Variants in CUL2 observed in about 807,000 individuals in gnomAD.
The protein encoded by CUL2 is cullin-2.
Under a neutral mutation model 110.2 loss-of-function variants are expected in CUL2, and 22 were observed. The ratio of observed to expected loss-of-function variants is 0.20; its 90% CI spans 0.14 to 0.28. The LOEUF (loss-of-function observed/expected upper bound fraction) is 0.28, where lower values mean the gene tolerates loss of function less well. Ranked by LOEUF, CUL2 falls within the 10% of genes least tolerant of loss-of-function variation. The pLI, the probability that CUL2 is intolerant of heterozygous loss-of-function variation, is 1.00. For synonymous variants in CUL2, 279 were observed against 293.2 expected, an observed-to-expected ratio of 0.95 and a Z score of 0.49; for missense variants, 631 against 905.5, an observed-to-expected ratio of 0.70 and a Z score of 3.89.
intron 1 of CUL2, chr10:35,074,433 A>T (rs2135007815): frequency 3.4e-6 from 2 of 593,738 alleles, no homozygotes; most frequent in African/African-American, 1.9e-5. Context: ...TAAAGTGCTT[A>T]TCTTTTCCTT....
rs780409057 is a variant in CUL2 at position 35,049,782 on chromosome 10, A to C, written c.424-17T>G. The C allele has an allele frequency of 1.3e-6, 2 of 1,575,036 alleles. No individual in the cohort carries two copies. Among genetic ancestry groups the C allele is most frequent in the Non-Finnish European group, 1.7e-6 (2 of 1,146,774 alleles). ...CAATGCTAGCTGCCGGGAAAAACGA[A>C]AATCATCAGGGCTGAATTACTTAGT... On this transcript the variant is annotated splice_polypyrimidine_tract_variant and intron_variant, in intron 5 of 20. Transcript: ENST00000374749.
At chr10:35,061,746 T>A (rs1458738657) in intron 3 of CUL2, among the ~76,000 whole-genome samples, 2 of 150,222 alleles carry the variant, frequency 1.3e-5, no homozygotes, top group East Asian at 4.0e-4. Context: ...CAGCACACAA[T>A]CAATTGTGCC....
At chr10:35,048,995 G>A (rs1475127022) in intron 6 of CUL2, among the ~76,000 whole-genome samples, 1 of 152,066 alleles carries the variant, frequency 6.6e-6, no homozygotes, top group Non-Finnish European at 1.5e-5. Context: ...ACAATTCACT[G>A]GTCTAGATAA....
At chr10:35,072,501 TG>T (rs1352526725) in intron 1 of CUL2, among the ~76,000 whole-genome samples, 1 of 152,054 alleles carries the variant, frequency 6.6e-6, no homozygotes, top group Non-Finnish European at 1.5e-5. Flanking sequence ...CCCGAGTAGC[TG>T]GGACTACAGG....
chr10:35,103,378 G>A (rs1293009731), intron 1 of CUL2, among the ~76,000 whole-genome samples: 4 of 142,750 alleles, frequency 2.8e-5, no homozygotes, highest in Non-Finnish European at 4.5e-5. Context: ...AGGCTGGAGC[G>A]CAGTGGCACG....
At chr10:35,011,704 C>T (rs565482999) in intron 20 of CUL2, 144 bp downstream of exon 20, 59 of 564,822 alleles carry the variant, frequency 1.0e-4, no homozygotes, top group African/African-American at 9.1e-4. Flanking sequence ...TGAGTGAGTA[C>T]GATTCTGATT....
chr10:35,108,598 T>C (rs1418007466), intron 1 of CUL2, among the ~76,000 whole-genome samples: 1 of 152,236 alleles, frequency 6.6e-6, no homozygotes, highest in East Asian at 1.9e-4. Flanking sequence ...TTATCAAAGA[T>C]AATACCTGTT....
intron 1 of CUL2, among the ~76,000 whole-genome samples, chr10:35,123,280 G>C (rs1292189691): frequency 1.3e-5 from 2 of 152,178 alleles, no homozygotes; most frequent in Admixed American, 1.3e-4. Flanking sequence ...AATATATAAA[G>C]CATTCTTGCA....
chr10:35,009,298 G>C lies in CUL2; in HGVS notation c.*1013C>G, dbSNP rs1244551762. 1 of 150,572 alleles carries C rather than the reference G, an allele frequency of 6.6e-6. No individual in the cohort carries two copies. The highest frequency in any genetic ancestry group is 1.5e-5 in the Non-Finnish European group (1 of 67,766). 9.3% of individuals were successfully genotyped at this position (150,572 alleles called of 1,614,324 possible). ...ATTTTCTTTTTTAAAAAAGTATTTA[G>C]GTTATGCATTGCTAAGCACATCTGT... is the stretch of plus-strand genomic sequence containing the variant. On this transcript the variant is annotated 3_prime_UTR_variant, in exon 21 of 21. Coordinates refer to ENST00000374749, the MANE Select transcript of CUL2 (RefSeq NM_003591.4).
intron 1 of CUL2, among the ~76,000 whole-genome samples, chr10:35,126,118 C>A (rs908257213): frequency 2.6e-5 from 4 of 151,276 alleles, no homozygotes; most frequent in Non-Finnish European, 5.9e-5. Context: ...CCCCGGCCGA[C>A]CTTTCTAATC....
intron 1 of CUL2, among the ~76,000 whole-genome samples, chr10:35,089,515 G>A (rs914587301): frequency 6.6e-6 from 1 of 152,188 alleles, no homozygotes; most frequent in Non-Finnish European, 1.5e-5. Context: ...AAACGCCCAG[G>A]GTACTGGCCT....
Position 35,065,543 on chromosome 10 carries a change from C to T in CUL2, c.120-2481G>A, listed in dbSNP as rs139666469. ...CTGAGGCAGGAGAATGGCGTGAACC[C>T]GAGAGATGGAGGTTGCAGTGAGCCA... On this transcript the variant is annotated intron_variant, in intron 2 of 20. Coordinates refer to ENST00000374749, the MANE Select transcript of CUL2 (RefSeq NM_003591.4). Among the ~76,000 whole-genome samples, 623 of 152,200 alleles carry T rather than the reference C, an allele frequency of 4.1e-3. 8 individuals are homozygous for T. Among genetic ancestry groups the T allele is most frequent in the African/African-American group, 0.015 (604 of 41,512 alleles).
chr10:35,024,581 T>C (rs1426550890), intron 17 of CUL2, among the ~76,000 whole-genome samples: 1 of 152,210 alleles, frequency 6.6e-6, no homozygotes, highest in Non-Finnish European at 1.5e-5. Flanking sequence ...ATAATTCAGG[T>C]ATTAATCCTA....
At chr10:35,056,469 CAGCCT>C (rs1359575822) in intron 4 of CUL2, among the ~76,000 whole-genome samples, 4 of 152,176 alleles carry the variant, frequency 2.6e-5, no homozygotes, top group Non-Finnish European at 5.9e-5. Context: ...AAGAAAGCTG[CAGCCT>C]AGAGAGGTTA....
chr10:35,036,500 C>T (rs1194756538), intron 9 of CUL2, among the ~76,000 whole-genome samples: 2 of 152,128 alleles, frequency 1.3e-5, no homozygotes, highest in Non-Finnish European at 1.5e-5. Flanking sequence ...ATAAAATATG[C>T]ATAATATATC....
chr10:35,037,239 A>C (rs1338124749), intron 9 of CUL2, among the ~76,000 whole-genome samples: 1 of 152,220 alleles, frequency 6.6e-6, no homozygotes, highest in Middle Eastern at 3.2e-3. Context: ...TTTCTTCTGA[A>C]ATGGATATCC....
At chr10:35,097,484 C>G (rs893001836) in intron 2 of CUL2, among the ~76,000 whole-genome samples, 1 of 142,042 alleles carries the variant, frequency 7.0e-6, no homozygotes, top group Non-Finnish European at 1.5e-5. Flanking sequence ...AGCAAGACCC[C>G]CTGTCTCAAA....
chr10:35,102,459 C>G (rs1271510929), intron 1 of CUL2, among the ~76,000 whole-genome samples: 1 of 151,756 alleles, frequency 6.6e-6, no homozygotes, highest in Admixed American at 6.6e-5. Context: ...GTAATTCCAG[C>G]TACTTGGGAG....
chr10:35,125,625 T>A (rs1404884558), intron 1 of CUL2, among the ~76,000 whole-genome samples: 1 of 152,236 alleles, frequency 6.6e-6, no homozygotes, highest in African/African-American at 2.4e-5. Context: ...TCTTAGAAAC[T>A]GGTTTTCAGT....
Sources: gnomAD v4.1 joint callset for allele counts (sites outside exome capture counted in the v4.1 genomes callset) on GRCh38, gnomAD v4.1.1 for gene constraint, MANE v1.5 for transcripts, NCBI Gene and HGNC (gene_info 2026-07-23, HGNC 2026-07-21) for gene names.